Variants in CSMD1 observed in about 807,000 individuals in gnomAD.
CSMD1 encodes CUB and Sushi multiple domains 1, also known as CUB and sushi domain-containing protein 1.
A neutral mutation model predicts 417.5 loss-of-function variants in CSMD1; 213 were observed. The ratio of observed to expected loss-of-function variants is 0.51; its 90% CI spans 0.46 to 0.57. CSMD1 has a LOEUF of 0.57. Among genes scored for constraint, CSMD1 ranks in the 20% least tolerant of loss-of-function variants. The pLI, the probability that CSMD1 is intolerant of heterozygous loss-of-function variation, is 0.00. For missense variants in CSMD1, 6,923 were observed against 4,529.7 expected (o/e 1.53, Z -15.17); for synonymous variants, 2,862 against 1,736.8 (o/e 1.65, Z -16.11).
chr8:4,646,728 T>C (rs973690680), intron 1 of CSMD1, among the ~76,000 whole-genome samples: 3 of 152,178 alleles, frequency 2.0e-5, no homozygotes, highest in East Asian at 1.9e-4. Context: ...CAAAGAGAAA[T>C]TGAAATGTTA....
chr8:4,865,315 C>G (rs888878260), intron 1 of CSMD1, among the ~76,000 whole-genome samples: 5 of 151,790 alleles, frequency 3.3e-5, no homozygotes, highest in Non-Finnish European at 5.9e-5. Context: ...AAGAGAAAAT[C>G]TCATTAAGAA....
Position 3,223,719 on chromosome 8 carries a change from G to T in CSMD1, c.4484+10C>A. 3.1e-6 allele frequency: 5 copies of T among 1,613,580 alleles called. No homozygotes were observed. Among genetic ancestry groups the T allele is most frequent in the Non-Finnish European group, 4.2e-6 (5 of 1,179,610 alleles). On this transcript the variant is annotated intron_variant, in intron 28 of 69. Transcript: ENST00000635120. ...CCTACTAAAAAGAGGTATTCTGCAAGAGACGGTACCTTTTGAATATCAAGG... is the reference window on the plus strand; with the variant it reads ...CCTACTAAAAAGAGGTATTCTGCAATAGACGGTACCTTTTGAATATCAAGG...
chr8:4,920,097 T>G (rs577559205), intron 1 of CSMD1, among the ~76,000 whole-genome samples: 2 of 152,052 alleles, frequency 1.3e-5, no homozygotes, highest in Non-Finnish European at 2.9e-5. Context: ...TAGAAGACAA[T>G]GTTGAGATCA....
At chr8:4,064,055 TGAGAAGTG>T (rs1355876219) in intron 3 of CSMD1, among the ~76,000 whole-genome samples, 5 of 152,296 alleles carry the variant, frequency 3.3e-5, no homozygotes, top group Admixed American at 6.5e-5. Flanking sequence ...TGAGGGCTCC[TGAGAAGTG>T]CGCAGTGTGA....
intron 3 of CSMD1, among the ~76,000 whole-genome samples, chr8:4,400,761 G>GT (rs11439463): frequency 0.37 from 51,659 of 139,196 alleles, 9,270 homozygotes; most frequent in South Asian, 0.47. Context: ...ATACAGATCA[G>GT]TTTTTTTTTT....
At chr8:4,539,583 A>T (rs1442912704) in intron 2 of CSMD1, among the ~76,000 whole-genome samples, 3 of 152,240 alleles carry the variant, frequency 2.0e-5, no homozygotes, top group African/African-American at 7.2e-5. Context: ...ACACTGGCTT[A>T]TAATGTTAAA....
chr8:3,890,291 C>T (rs79306900), intron 5 of CSMD1, among the ~76,000 whole-genome samples: 9,153 of 152,150 alleles, frequency 0.06, 347 homozygotes, highest in South Asian at 0.13. Context: ...TTTTGATTTA[C>T]TTGAAAAATA....
At chr8:4,180,830 TAAC>T (rs1483386716) in intron 3 of CSMD1, among the ~76,000 whole-genome samples, 6 of 152,092 alleles carry the variant, frequency 3.9e-5, no homozygotes, top group South Asian at 2.1e-4. Context: ...CCAACCAAAA[TAAC>T]AACAATTATG....
At chr8:4,369,799 A>G (rs1802296985) in intron 3 of CSMD1, among the ~76,000 whole-genome samples, 1 of 152,288 alleles carries the variant, frequency 6.6e-6, no homozygotes, top group Non-Finnish European at 1.5e-5. Context: ...ATCTTTATCC[A>G]TCCCTTTACT....
chr8:3,712,766 C>T (rs1801600508), intron 6 of CSMD1, among the ~76,000 whole-genome samples: 1 of 152,018 alleles, frequency 6.6e-6, no homozygotes. Context: ...TCTCACATTC[C>T]CTGGTGTCTG....
chr8:4,110,983 G>A (rs1042589642), intron 3 of CSMD1, among the ~76,000 whole-genome samples: 3 of 152,068 alleles, frequency 2.0e-5, no homozygotes, highest in African/African-American at 7.2e-5. Context: ...TGCAATCTGA[G>A]CTGGAACAAG....
chr8:3,122,910 G>C (rs1283593759), intron 41 of CSMD1, among the ~76,000 whole-genome samples: 1 of 152,060 alleles, frequency 6.6e-6, no homozygotes, highest in Non-Finnish European at 1.5e-5. Flanking sequence ...TTTTGTGTCT[G>C]ATAAGTAGAA....
chr8:4,118,607 C>T (rs1020777826), intron 3 of CSMD1, among the ~76,000 whole-genome samples: 14 of 152,242 alleles, frequency 9.2e-5, no homozygotes, highest in African/African-American at 2.6e-4. Context: ...GCTGGCAAGG[C>T]TGTGGAGACT....
chr8:3,285,070 G>T (rs949605009), intron 25 of CSMD1, among the ~76,000 whole-genome samples: 1 of 152,098 alleles, frequency 6.6e-6, no homozygotes, highest in African/African-American at 2.4e-5. Context: ...GAAGCAAGAA[G>T]GGTTTAGTTG....
At chr8:3,414,145 GAAAAAA>G (rs200744652) in intron 12 of CSMD1, among the ~76,000 whole-genome samples, 1 of 46,744 alleles carries the variant, frequency 2.1e-5, no homozygotes, top group African/African-American at 9.3e-5. Context: ...TTAAAGAAAA[GAAAAAA>G]AAAAAAAAAA....
intron 5 of CSMD1, among the ~76,000 whole-genome samples, chr8:3,982,471 G>C (rs1012767819): frequency 1.3e-5 from 2 of 152,062 alleles, no homozygotes; most frequent in African/African-American, 4.8e-5. Context: ...ATTACTATTA[G>C]TATATACTCC....
Position 4,057,571 on chromosome 8 carries a change from C to G in CSMD1, c.416-25472G>C, listed in dbSNP as rs1269997619. Among the ~76,000 whole-genome samples, 5 of 151,904 alleles carry G rather than the reference C, an allele frequency of 3.3e-5. No homozygotes were observed. In the South Asian group the frequency reaches 6.3e-4, roughly 19 times the overall value. ...CATTTGTCAATTTTGGCTTTTGTTG[C>G]CATTGCTTTTGGTGTTATAGACATG... On this transcript the variant is annotated intron_variant, in intron 3 of 69. Transcript: ENST00000635120.
At chr8:4,904,314 T>A (rs1035144353) in intron 1 of CSMD1, among the ~76,000 whole-genome samples, 5 of 152,222 alleles carry the variant, frequency 3.3e-5, no homozygotes, top group African/African-American at 1.2e-4. Context: ...CATTAAAAAA[T>A]CAATAATTTA....
intron 3 of CSMD1, among the ~76,000 whole-genome samples, chr8:4,172,100 A>C (rs1049891435): frequency 2.0e-5 from 3 of 152,190 alleles, no homozygotes; most frequent in Non-Finnish European, 4.4e-5. Context: ...CGGAGAGTTT[A>C]TCATGCGGAT....
Sources: gnomAD v4.1 joint callset for allele counts (sites outside exome capture counted in the v4.1 genomes callset) on GRCh38, gnomAD v4.1.1 for gene constraint, MANE v1.5 for transcripts, NCBI Gene and HGNC (gene_info 2026-07-23, HGNC 2026-07-21) for gene names.